JAK1: variants seen among roughly 807,000 people sequenced by gnomAD.
The protein encoded by JAK1 is tyrosine-protein kinase JAK1.
In JAK1, 16 loss-of-function variants were observed where a neutral mutation model predicts 136.6. The observed-to-expected ratio is 0.12, with a 90% confidence interval of 0.08 to 0.18. The LOEUF (loss-of-function observed/expected upper bound fraction) is 0.18, where lower values mean the gene tolerates loss of function less well. JAK1 is among the 10% of genes least tolerant of loss of function. The probability of loss-of-function intolerance (pLI) is 1.00; values close to 1 mark genes in which losing one functional copy is unlikely to be tolerated. For missense variants in JAK1, 859 were observed against 1,450.1 expected (o/e 0.59, Z 6.62); for synonymous variants, 492 against 519.5 (o/e 0.95, Z 0.72).
intron 2 of JAK1, among the ~76,000 whole-genome samples, chr1:64,981,326 G>A (rs1646543535): frequency 6.6e-6 from 1 of 152,104 alleles, no homozygotes; most frequent in Non-Finnish European, 1.5e-5. Context: ...GCCTTCTATT[G>A]CTGTTTGTCT....
intron 1 of JAK1, among the ~76,000 whole-genome samples, chr1:65,067,235 G>A (rs1001898789): frequency 6.6e-6 from 1 of 150,722 alleles, no homozygotes; most frequent in African/African-American, 2.4e-5. Flanking sequence ...GAAGGCAGGC[G>A]CTAGGCGCTG....
intron 5 of JAK1, among the ~76,000 whole-genome samples, chr1:64,869,974 T>C (rs1656974262): frequency 6.6e-6 from 1 of 152,142 alleles, no homozygotes; most frequent in African/African-American, 2.4e-5. Context: ...TTTTCCCACA[T>C]CTACCGTTCG....
chr1:64,860,876 T>A (rs1284276958), intron 8 of JAK1, among the ~76,000 whole-genome samples: 2 of 101,588 alleles, frequency 2.0e-5, no homozygotes, highest in Non-Finnish European at 4.3e-5. Flanking sequence ...GGTGACGCGG[T>A]GGGGGAGGCT....
intron 1 of JAK1, among the ~76,000 whole-genome samples, chr1:64,946,809 A>G (rs1000324201): frequency 3.3e-5 from 5 of 152,254 alleles, no homozygotes. Context: ...GGTAGAAGCC[A>G]CCCAAGCATC....
chr1:64,856,413 A>G (rs1655934704), intron 10 of JAK1, among the ~76,000 whole-genome samples: 1 of 152,202 alleles, frequency 6.6e-6, no homozygotes, highest in African/African-American at 2.4e-5. Flanking sequence ...TAATATGGCT[A>G]TTACAAGGCT....
chr1:64,844,079 G>A lies in JAK1; in HGVS notation c.2388C>T (p.Asp796=), dbSNP rs1655075679. Residue 796 remains aspartate, a synonymous_variant, in exon 17 of 25, where the codon GAC becomes GAT. Coordinates refer to ENST00000342505, the MANE Select transcript of JAK1 (RefSeq NM_002227.4). This position sits in a 1 kb window ranked among gnomAD's most constrained non-coding sequence, Gnocchi z 5.7. ...ICYNGEIPLK[D]KTLIEKERFY... is the part of the protein sequence containing the mutation. The stretch of plus-strand genomic sequence containing the variant: ...ACCTGCTCACCTCAATCAGCGTCTT[G>A]TCTTTCAAGGGGATCTCGCCATTGT... 1.2e-6 allele frequency: 2 copies of A among 1,614,142 alleles called. No individual in the cohort carries two copies. Among genetic ancestry groups the A allele is most frequent in the Admixed American group, 1.7e-5 (1 of 60,016 alleles).
In JAK1 at chr1:64,838,120, A is replaced by G. The variant is rs1654608228; in HGVS notation, c.2968-16T>C. On this transcript the variant is annotated splice_polypyrimidine_tract_variant and intron_variant, in intron 21 of 24. Coordinates refer to ENST00000342505, the MANE Select transcript of JAK1 (RefSeq NM_002227.4). ...AGTCCATCCCCTGAGAGAGAGAAGT[A>G]AAAGTCAAGCACATTGCTAAAGTCA... 1.2e-6 allele frequency: 2 copies of G among 1,607,244 alleles called. No homozygotes were observed. The highest frequency in any genetic ancestry group is 1.7e-6 in the Non-Finnish European group (2 of 1,175,368).
intron 1 of JAK1, among the ~76,000 whole-genome samples, chr1:65,050,333 A>G (rs950486267): frequency 6.6e-6 from 1 of 152,244 alleles, no homozygotes; most frequent in African/African-American, 2.4e-5. Flanking sequence ...AAAAGCACAA[A>G]GTGCCATGAG....
intron 1 of JAK1, among the ~76,000 whole-genome samples, chr1:64,904,626 T>C (rs183127821): frequency 1.8e-4 from 27 of 152,342 alleles, no homozygotes; most frequent in African/African-American, 5.1e-4. Flanking sequence ...TCAAATTCTA[T>C]AGATTTATCT....
At chr1:64,948,760 T>C (rs6680548) in intron 1 of JAK1, among the ~76,000 whole-genome samples, 147,074 of 152,312 alleles carry the variant, frequency 0.97, 71,204 homozygotes, top group East Asian at 1. Flanking sequence ...AATAAAATGA[T>C]AAAGCTTATC....
intron 2 of JAK1, chr1:64,985,880 A>G (rs545511480): frequency 3.1e-6 from 2 of 641,152 alleles, no homozygotes; most frequent in East Asian, 3.2e-5. Context: ...TCATACAACC[A>G]ATGGAGAATA....
At chr1:65,064,957 G>C (rs1647976099) in intron 1 of JAK1, among the ~76,000 whole-genome samples, 1 of 152,146 alleles carries the variant, frequency 6.6e-6, no homozygotes, top group Admixed American at 6.5e-5. Flanking sequence ...CAACTCTAGA[G>C]GAAAGCTTTT....
intron 2 of JAK1, among the ~76,000 whole-genome samples, chr1:65,005,322 C>G (rs1266113526): frequency 6.9e-6 from 1 of 145,924 alleles, no homozygotes; most frequent in Non-Finnish European, 1.5e-5. Context: ...CTAGCTTGGG[C>G]AACAAGAGCA....
At chr1:64,998,083 G>GA (rs547216477) in intron 2 of JAK1, among the ~76,000 whole-genome samples, 4 of 152,282 alleles carry the variant, frequency 2.6e-5, no homozygotes, top group South Asian at 4.1e-4. Flanking sequence ...TACAGCTGGA[G>GA]AAAAAACTCA....
upstream of JAK1, among the ~76,000 whole-genome samples, chr1:64,971,376 G>T (rs1240057122): frequency 1.3e-5 from 2 of 151,414 alleles, no homozygotes; most frequent in South Asian, 2.1e-4. Context: ...ATTTTTTTTT[G>T]AGTCAGAGTC....
At chr1:64,968,958 A>T (rs921051541), upstream of JAK1, among the ~76,000 whole-genome samples, 2 of 150,018 alleles carry the variant, frequency 1.3e-5, no homozygotes, top group Non-Finnish European at 3.0e-5. Flanking sequence ...AAAAAAAGGT[A>T]AACTAGCTGG....
At chr1:64,852,499 C>T (rs1485982296) in intron 11 of JAK1, among the ~76,000 whole-genome samples, 1 of 152,162 alleles carries the variant, frequency 6.6e-6, no homozygotes. Flanking sequence ...GGGGAAAATC[C>T]GATTCAGAGG....
intron 2 of JAK1, among the ~76,000 whole-genome samples, chr1:65,034,380 A>C (rs1647051341): frequency 6.6e-6 from 1 of 152,234 alleles, no homozygotes; most frequent in Admixed American, 6.5e-5. Flanking sequence ...CAGACTTAAT[A>C]AAAGCTCATT....
At chr1:64,978,629 C>T (rs896157884) in intron 2 of JAK1, among the ~76,000 whole-genome samples, 5 of 152,154 alleles carry the variant, frequency 3.3e-5, no homozygotes, top group African/African-American at 1.2e-4. Flanking sequence ...CCCAAGGATG[C>T]TTTACTTCAA....
Sources: allele counts gnomAD v4.1 joint callset (sites outside exome capture counted in the v4.1 genomes callset), GRCh38; gene constraint gnomAD v4.1.1; non-coding constraint Gnocchi (gnomAD v3.1); transcripts MANE v1.5; gene names NCBI Gene and HGNC (gene_info 2026-07-23, HGNC 2026-07-21).